The following COPG2 variants were observed in gnomAD, a reference collection of about 807,000 sequenced individuals.
COPG2 encodes coat protein complex I subunit gamma 2.
Under a neutral mutation model 46.3 loss-of-function variants are expected in COPG2, and 37 were observed. The ratio of observed to expected loss-of-function variants is 0.80; its 90% CI spans 0.61 to 1.05. COPG2 has a LOEUF of 1.05. Ranked by LOEUF, COPG2 falls within the 50% of genes least tolerant of loss-of-function variation. The pLI, the probability that COPG2 is intolerant of heterozygous loss-of-function variation, is 0.00. For missense variants in COPG2, 427 were observed against 387.8 expected, an observed-to-expected ratio of 1.10 and a Z score of -0.85; for synonymous variants, 159 against 129.7, an observed-to-expected ratio of 1.23 and a Z score of -1.53.
rs542834642 is a variant in COPG2 at position 130,660,912 on chromosome 7, A to C, written c.243+2055T>G. On this transcript the variant is annotated intron_variant, in intron 4 of 23. Coordinates refer to ENST00000425248, the MANE Select transcript of COPG2 (RefSeq NM_012133.6). ...CCGTTCTTGCTTCCCTCCTAACCGA[A>C]GATTCCACAGTCGATGTTCCAACCA... Among the ~76,000 whole-genome samples the C allele has an allele frequency of 3.3e-5, 5 of 152,218 alleles. No individual in the cohort carries two copies. In the South Asian group the frequency reaches 1.0e-3, roughly 32 times the overall value.
chr7:130,560,137 T>C (rs1268114032), intron 12 of COPG2, among the ~76,000 whole-genome samples: 1 of 152,148 alleles, frequency 6.6e-6, no homozygotes, highest in Non-Finnish European at 1.5e-5. Flanking sequence ...TAATGATGAC[T>C]AGAACCAGTA....
At position 130,665,276 on chromosome 7, in the gene COPG2, A is replaced by C. The variant is rs143153093; in HGVS notation, c.171+1573T>G. ...TGAGTGAGGTCTTCAGTCACAAAAC[A>C]AAGTAAAGATAATATATTCTCTTAG... On this transcript the variant is annotated intron_variant, in intron 3 of 23. Coordinates refer to ENST00000425248, the MANE Select transcript of COPG2 (RefSeq NM_012133.6). Among the ~76,000 whole-genome samples the C allele has an allele frequency of 1.2e-3, 189 of 152,334 alleles. 1 individual carries two copies. Among genetic ancestry groups the C allele is most frequent in the South Asian group, 1.5e-3 (7 of 4,826 alleles).
At chr7:130,528,552 TCA>T (rs1799795216) in intron 20 of COPG2, among the ~76,000 whole-genome samples, 2 of 152,022 alleles carry the variant, frequency 1.3e-5, no homozygotes, top group East Asian at 3.9e-4. Context: ...AGTGGGAGAA[TCA>T]CAGATCGTGC....
chr7:130,589,934 T>C (rs1794362306), intron 9 of COPG2, among the ~76,000 whole-genome samples: 2 of 152,226 alleles, frequency 1.3e-5, no homozygotes, highest in Admixed American at 1.3e-4. Context: ...CAAATGTATG[T>C]GTAGCAAATA....
intron 5 of COPG2, among the ~76,000 whole-genome samples, chr7:130,635,697 A>C (rs782395470): frequency 8.6e-5 from 13 of 151,786 alleles, no homozygotes; most frequent in Non-Finnish European, 1.8e-4. Context: ...TTGTGTCTCT[A>C]TCTCCTTCAG....
chr7:130,559,765 C>T (rs1452426313), intron 12 of COPG2, among the ~76,000 whole-genome samples: 3 of 152,146 alleles, frequency 2.0e-5, no homozygotes, highest in Non-Finnish European at 4.4e-5. Flanking sequence ...ACAGCAACTG[C>T]TACACCAGAT....
chr7:130,566,200 G>A (rs1475684708), intron 9 of COPG2, among the ~76,000 whole-genome samples: 1 of 152,302 alleles, frequency 6.6e-6, no homozygotes, highest in South Asian at 2.1e-4. Context: ...GTGTGAAATT[G>A]TATCTCATTG....
intron 20 of COPG2, among the ~76,000 whole-genome samples, chr7:130,545,292 G>A (rs1793422294): frequency 6.6e-6 from 1 of 151,938 alleles, no homozygotes; most frequent in Non-Finnish European, 1.5e-5. Context: ...ATCCTCATCT[G>A]TCTATCAAAC....
intron 6 of COPG2, among the ~76,000 whole-genome samples, chr7:130,615,532 G>C (rs566316943): frequency 1.3e-5 from 2 of 152,228 alleles, no homozygotes; most frequent in East Asian, 3.9e-4. Context: ...TTTTCCTCAA[G>C]TTATACTCTT....
intron 5 of COPG2, among the ~76,000 whole-genome samples, chr7:130,634,195 C>T (rs76314327): frequency 3.3e-5 from 5 of 152,052 alleles, no homozygotes; most frequent in African/African-American, 1.2e-4. Flanking sequence ...ATTGTCTTGG[C>T]TATGTGGGAT....
rs782302437 is a variant in COPG2, at chr7:130,663,019, G to A, written c.191C>T (p.Thr64Met). ...TGCAAAGAAGGCTTCTGTAGCTTCC[G>A]TTGTTCCAAAGTGTTCACCCTAAGT... Reference protein sequence around the residue: ...LLNQGEHFGTTEATEAFFAMT... With the variant: ...LLNQGEHFGTMEATEAFFAMT... The change falls in exon 4 of 24, where the codon ACG becomes ATG. Residue 64 changes from threonine to methionine, a missense_variant. Coordinates refer to ENST00000425248, the MANE Select transcript of COPG2 (RefSeq NM_012133.6). 37 of 1,545,018 alleles carry A rather than the reference G, an allele frequency of 2.4e-5. No individual in the cohort carries two copies. In the Admixed American group the frequency reaches 5.4e-4, roughly 23 times the overall value.
chr7:130,550,409 C>CT (rs1793518915), intron 17 of COPG2, 115 bp downstream of exon 17: 1 of 150,920 alleles, frequency 6.6e-6, no homozygotes, highest in African/African-American at 2.3e-4. Flanking sequence ...GAGACTCTAT[C>CT]TCAAAAAAAA....
At chr7:130,583,403 G>A (rs1378712984) in intron 9 of COPG2, among the ~76,000 whole-genome samples, 4 of 148,054 alleles carry the variant, frequency 2.7e-5, no homozygotes, top group Non-Finnish European at 4.5e-5. Context: ...GCTAGATGAC[G>A]AGTTAGTGGG....
intron 20 of COPG2, among the ~76,000 whole-genome samples, chr7:130,518,366 G>C (rs1799696189): frequency 2.6e-5 from 4 of 152,126 alleles, no homozygotes; most frequent in Admixed American, 1.3e-4. Flanking sequence ...GGAAGATCAG[G>C]GTGAATCTTG....
chr7:130,536,908 C>T (rs998783268), intron 20 of COPG2, among the ~76,000 whole-genome samples: 2,682 of 148,748 alleles, frequency 0.018, 73 homozygotes, highest in African/African-American at 0.062. Context: ...TCTGTTGTCA[C>T]GGGGAGGGAA....
intron 5 of COPG2, among the ~76,000 whole-genome samples, chr7:130,624,198 T>G (rs1795081139): frequency 6.6e-6 from 1 of 152,070 alleles, no homozygotes; most frequent in Non-Finnish European, 1.5e-5. Flanking sequence ...AGGCCTCACT[T>G]CCCAACACCA....
intron 5 of COPG2, among the ~76,000 whole-genome samples, chr7:130,651,431 C>T (rs1795738693): frequency 6.6e-6 from 1 of 151,606 alleles, no homozygotes. Flanking sequence ...ATTCTCCCGC[C>T]TCAGCCTCCC....
At chr7:130,586,431 C>T (rs1794270986) in intron 9 of COPG2, among the ~76,000 whole-genome samples, 1 of 151,974 alleles carries the variant, frequency 6.6e-6, no homozygotes, top group Admixed American at 6.6e-5. Context: ...ACTTGTGTAA[C>T]CAAATACCAC....
chr7:130,523,992 G>C (rs1025117777), intron 20 of COPG2, among the ~76,000 whole-genome samples: 3 of 152,076 alleles, frequency 2.0e-5, no homozygotes, highest in East Asian at 1.9e-4. Flanking sequence ...AGGTGGAGGC[G>C]GGACAGGAGT....
Sources: gnomAD v4.1 joint callset for allele counts (sites outside exome capture counted in the v4.1 genomes callset) on GRCh38, gnomAD v4.1.1 for gene constraint, MANE v1.5 for transcripts, NCBI Gene and HGNC (gene_info 2026-07-23, HGNC 2026-07-21) for gene names.